HMHB1: variants seen among roughly 807,000 people sequenced by gnomAD.
HMHB1 encodes the protein histocompatibility minor HB-1.
A neutral mutation model predicts 2.4 loss-of-function variants in HMHB1; 4 were observed. The observed-to-expected ratio is 1.65, with a 90% CI of 0.81 to 3.77. The LOEUF (loss-of-function observed/expected upper bound fraction) is 3.77. HMHB1 is among the 30% of genes most tolerant of loss of function. HMHB1 has a pLI of 0.01. For missense variants in HMHB1, 57 were observed against 44.2 expected (o/e 1.29, Z -0.82); for synonymous variants, 22 against 17.6 (o/e 1.25, Z -0.63).
At chr5:143,818,785 T>C (rs1759775809) in intron 1 of HMHB1, among the ~76,000 whole-genome samples, 2 of 152,184 alleles carry the variant, frequency 1.3e-5, no homozygotes, top group South Asian at 4.1e-4. Context: ...TCTTCCTTTT[T>C]TTCTTCCCTG....
At chr5:143,812,422 G>A in intron 1 of HMHB1, 118 bp downstream of exon 1, 2 of 936,118 alleles carry the variant, frequency 2.1e-6, no homozygotes, top group East Asian at 2.7e-5. Context: ...TGAAAACAGG[G>A]ATGGCGGAAG....
chr5:143,813,902 A>G (rs971742261), intron 1 of HMHB1, among the ~76,000 whole-genome samples: 1 of 152,222 alleles, frequency 6.6e-6, no homozygotes, highest in Non-Finnish European at 1.5e-5. Context: ...CTCAGTGCAG[A>G]GGCAAATATG....
chr5:143,814,423 A>T (rs1234054496), intron 1 of HMHB1, among the ~76,000 whole-genome samples: 4 of 152,134 alleles, frequency 2.6e-5, no homozygotes, highest in Non-Finnish European at 5.9e-5. Context: ...TGAGTTTTTG[A>T]GTTAAGGAAT....
chr5:143,818,729 T>C (rs1314945634), intron 1 of HMHB1, among the ~76,000 whole-genome samples: 1 of 152,240 alleles, frequency 6.6e-6, no homozygotes, highest in Non-Finnish European at 1.5e-5. Context: ...TTAAAGTGTT[T>C]AGCCAGTTGC....
At chr5:143,812,969 G>GTTT (rs3838658) in intron 1 of HMHB1, among the ~76,000 whole-genome samples, 1 of 151,852 alleles carries the variant, frequency 6.6e-6, no homozygotes, top group African/African-American at 2.4e-5. Context: ...TTGTTTGTTT[G>GTTT]TTTTTTTGTC....
intron 1 of HMHB1, among the ~76,000 whole-genome samples, chr5:143,814,068 A>G (rs1197230294): frequency 6.6e-6 from 1 of 152,214 alleles, no homozygotes; most frequent in African/African-American, 2.4e-5. Context: ...AAAATGTTCT[A>G]TATTTTCCTC....
intron 1 of HMHB1, among the ~76,000 whole-genome samples, chr5:143,819,256 T>C (rs1240249870): frequency 6.6e-6 from 1 of 152,174 alleles, no homozygotes; most frequent in East Asian, 1.9e-4. Flanking sequence ...GGGAGGAGCA[T>C]GGAGTCACAT....
In HMHB1 at chr5:143,812,241, T is replaced by C; in HGVS notation, c.-27T>C. 1 of 1,551,216 alleles carries C rather than the reference T, an allele frequency of 6.4e-7. No individual in the cohort carries two copies. The highest frequency in any genetic ancestry group is 8.7e-7 in the Non-Finnish European group (1 of 1,146,756). ...CTGAGCCTTCTGACCTCACATCCTCTGCCACACCACAGTGGAGAAACCAGA... is the reference window on the plus strand; with the variant it reads ...CTGAGCCTTCTGACCTCACATCCTCCGCCACACCACAGTGGAGAAACCAGA... On this transcript the variant is annotated 5_prime_UTR_variant, in exon 1 of 2. Coordinates refer to ENST00000289448, the MANE Select transcript of HMHB1 (RefSeq NM_021182.3).
At chr5:143,816,503 T>G (rs1270285476) in intron 1 of HMHB1, among the ~76,000 whole-genome samples, 1 of 152,214 alleles carries the variant, frequency 6.6e-6, no homozygotes, top group Non-Finnish European at 1.5e-5. Flanking sequence ...TACTCTCCAT[T>G]CTCATCCAGG....
At chr5:143,815,686 C>G (rs571034742) in intron 1 of HMHB1, among the ~76,000 whole-genome samples, 1 of 150,092 alleles carries the variant, frequency 6.7e-6, no homozygotes, top group East Asian at 2.0e-4. Flanking sequence ...CGCCACCATG[C>G]CTGGCTAATT....
rs2287660 is a variant in HMHB1, at chr5:143,820,501, C to A, written c.59C>A (p.Ser20Ter). ...ATAGGTTCTCTGCATGTTTGGAAGT[C>A]GGAATTGGTTGAAGTTGAAGATGAT... The change falls in exon 2 of 2, where the codon TCG becomes TAG. Residue 20 changes from serine to a stop codon, truncating the protein, a stop_gained. Transcript: ENST00000289448. LOFTEE classifies it low-confidence loss of function (END_TRUNC). 2 of 1,611,722 alleles carry A rather than the reference C, an allele frequency of 1.2e-6. No homozygotes were observed. Among genetic ancestry groups the A allele is most frequent in the South Asian group, 2.2e-5 (2 of 90,982 alleles).
In HMHB1 at chr5:143,819,587, A is replaced by G. The variant is rs145747517; in HGVS notation, c.38-893A>G. Among the ~76,000 whole-genome samples, 790 of 148,194 alleles carry G rather than the reference A, an allele frequency of 5.3e-3. 9 individuals are homozygous for G. Among genetic ancestry groups the G allele is most frequent in the African/African-American group, 0.019 (744 of 39,956 alleles). The stretch of plus-strand genomic sequence containing the variant: ...GGGGCGGAGGTTGCAATAAGCCAAG[A>G]TCGTGCCACTGCACTCCAGCCTGGG... On this transcript the variant is annotated intron_variant, in intron 1 of 1. Transcript: ENST00000289448.
At chr5:143,813,681 T>A (rs527561717) in intron 1 of HMHB1, among the ~76,000 whole-genome samples, 7 of 152,350 alleles carry the variant, frequency 4.6e-5, no homozygotes, top group African/African-American at 1.7e-4. Context: ...GTAAATGGCA[T>A]GTGGATTTCC....
intron 1 of HMHB1, 141 bp from the exon 2 acceptor site, chr5:143,820,339 A>AAACAG: frequency 2.9e-6 from 1 of 342,724 alleles, no homozygotes. Flanking sequence ...AAAAAAAAAA[A>AAACAG]AAAAAAAAAA....
intron 1 of HMHB1, among the ~76,000 whole-genome samples, chr5:143,816,908 A>T (rs1759755426): frequency 6.6e-6 from 1 of 152,214 alleles, no homozygotes; most frequent in African/African-American, 2.4e-5. Context: ...TTGCAGAGTA[A>T]GATGGTATTG....
At position 143,812,354 on chromosome 5, in the gene HMHB1, G is replaced by A. The variant is rs921561681; in HGVS notation, c.37+50G>A. ...ACAGAGAGAGAGGGAAAGAGGCAGC[G>A]AAGGGGCAGAGAAAATGAAAGAAAA... is the stretch of plus-strand genomic sequence containing the variant. On this transcript the variant is annotated intron_variant, in intron 1 of 1. Coordinates refer to ENST00000289448, the MANE Select transcript of HMHB1 (RefSeq NM_021182.3). 2.0e-5 allele frequency: 30 copies of A among 1,501,448 alleles called. 1 individual carries two copies. In the Admixed American group the frequency reaches 4.2e-4, roughly 21 times the overall value. The allele number at this position is 1,501,448 out of a possible 1,614,324, so 93.0% of individuals were successfully genotyped here.
At chr5:143,812,953 TTTTG>T (rs112071292) in intron 1 of HMHB1, among the ~76,000 whole-genome samples, 1 of 151,070 alleles carries the variant, frequency 6.6e-6, no homozygotes, top group Admixed American at 6.6e-5. Flanking sequence ...CTGTCGTGTT[TTTTG>T]TTTGTTTGTT....
intron 1 of HMHB1, among the ~76,000 whole-genome samples, 154 bp from the exon 2 acceptor site, chr5:143,820,326 A>AAAAAAAAAAAAAAAAAAAAAAAAAC (rs1759796196): frequency 1.2e-5 from 1 of 85,674 alleles, no homozygotes; most frequent in Non-Finnish European, 2.4e-5. Context: ...AGTAAAAAAA[A>AAAAAAAAAAAAAAAAAAAAAAAAAC]AAAAAAAAAA....
At chr5:143,820,371 A>AAAAAAAAAAAAAAAAAAAAAAAAAAAAG in intron 1 of HMHB1, 109 bp from the exon 2 acceptor site, 1 of 475,474 alleles carries the variant, frequency 2.1e-6, no homozygotes, top group Admixed American at 3.2e-5. Context: ...CAAAACTAAA[A>AAAAAAAAAAAAAAAAAAAAAAAAAAAAG]AGCTAACACA....
Sources: gnomAD v4.1 joint callset for allele counts (sites outside exome capture counted in the v4.1 genomes callset) on GRCh38, gnomAD v4.1.1 for gene constraint, MANE v1.5 for transcripts, NCBI Gene and HGNC (gene_info 2026-07-23, HGNC 2026-07-21) for gene names.